CDKAL1: variants seen among roughly 807,000 people sequenced by gnomAD.
CDKAL1 encodes the protein CDKAL1 threonylcarbamoyladenosine tRNA methylthiotransferase.
A neutral mutation model predicts 68.2 loss-of-function variants in CDKAL1; 32 were observed. That is an observed-to-expected ratio of 0.47 (90% CI 0.35 to 0.63). The LOEUF (loss-of-function observed/expected upper bound fraction) is 0.63. Among genes scored for constraint, CDKAL1 ranks in the 30% least tolerant of loss-of-function variants. The pLI, the probability that CDKAL1 is intolerant of heterozygous loss-of-function variation, is 0.00. For missense variants in CDKAL1, 606 were observed against 696.7 expected, an observed-to-expected ratio of 0.87 and a Z score of 1.47; for synonymous variants, 234 against 244.3, an observed-to-expected ratio of 0.96 and a Z score of 0.39.
At chr6:21,051,405 G>T (rs1002799599) in intron 11 of CDKAL1, among the ~76,000 whole-genome samples, 3 of 152,076 alleles carry the variant, frequency 2.0e-5, no homozygotes, top group Admixed American at 6.5e-5. Flanking sequence ...TGTGTTTTCC[G>T]TGAACTTATG....
chr6:20,753,704 C>T (rs1774034140), intron 6 of CDKAL1, among the ~76,000 whole-genome samples: 1 of 152,110 alleles, frequency 6.6e-6, no homozygotes, highest in African/African-American at 2.4e-5. Context: ...TACTTCCGTT[C>T]CCAGTTTTTG....
At chr6:21,072,585 G>GT (rs1263968296) in intron 12 of CDKAL1, among the ~76,000 whole-genome samples, 4 of 109,374 alleles carry the variant, frequency 3.7e-5, no homozygotes, top group Non-Finnish European at 7.3e-5. Flanking sequence ...AAAAAAGCCT[G>GT]TTTTTGTCTT....
intron 8 of CDKAL1, among the ~76,000 whole-genome samples, chr6:20,802,186 T>C (rs1477281264): frequency 4.0e-5 from 6 of 151,798 alleles, no homozygotes; most frequent in Non-Finnish European, 8.8e-5. Flanking sequence ...TAGTCCCAGC[T>C]ACTCGGGAGG....
chr6:20,973,582 A>C (rs181650881), intron 10 of CDKAL1, among the ~76,000 whole-genome samples: 1 of 152,142 alleles, frequency 6.6e-6, no homozygotes, highest in African/African-American at 2.4e-5. Context: ...GATCCAACAT[A>C]GGATCATAAG....
chr6:20,696,954 A>T (rs1562033515), intron 5 of CDKAL1, among the ~76,000 whole-genome samples: 1 of 152,232 alleles, frequency 6.6e-6, no homozygotes. Flanking sequence ...GATTAAAAAA[A>T]ATCCTATGTG....
intron 12 of CDKAL1, among the ~76,000 whole-genome samples, chr6:21,087,580 G>A (rs1437672582): frequency 2.0e-5 from 3 of 152,066 alleles, no homozygotes; most frequent in African/African-American, 7.2e-5. Flanking sequence ...CGTTCCTATA[G>A]TCCTCAGCTG....
At chr6:20,904,740 G>A (rs1332380968) in intron 9 of CDKAL1, among the ~76,000 whole-genome samples, 1 of 151,750 alleles carries the variant, frequency 6.6e-6, no homozygotes, top group Non-Finnish European at 1.5e-5. Flanking sequence ...GGCGAGCCGA[G>A]ATTGCGGCAT....
Position 20,690,446 on chromosome 6 carries a change from A to C in CDKAL1, c.371+41069A>C, listed in dbSNP as rs547493263. 1.5e-3 allele frequency among the ~76,000 whole-genome samples: 228 copies of C among 152,300 alleles called. 2 individuals carry two copies. Among genetic ancestry groups the C allele is most frequent in the Non-Finnish European group, 2.4e-3 (165 of 68,026 alleles). ...AATGAGCATTTTACGAACTCCAGAC[A>C]TATTTTTCAACACTGTTCTCTAGAG... On this transcript the variant is annotated intron_variant, in intron 5 of 15. Transcript: ENST00000274695.
At chr6:21,002,599 A>G (rs1257809652) in intron 11 of CDKAL1, among the ~76,000 whole-genome samples, 2 of 152,034 alleles carry the variant, frequency 1.3e-5, no homozygotes, top group Admixed American at 6.6e-5. Context: ...TAGGCAGCCA[A>G]TATGATATAC....
At chr6:20,706,685 G>C (rs1163463249) in intron 5 of CDKAL1, among the ~76,000 whole-genome samples, 1 of 152,154 alleles carries the variant, frequency 6.6e-6, no homozygotes, top group Non-Finnish European at 1.5e-5. Flanking sequence ...GTTATACAAG[G>C]TCATAAATAA....
intron 8 of CDKAL1, among the ~76,000 whole-genome samples, chr6:20,820,608 G>C (rs2150440740): frequency 6.6e-6 from 1 of 152,296 alleles, no homozygotes; most frequent in South Asian, 2.1e-4. Context: ...TGCCCTAAGA[G>C]ATTGTTGATG....
intron 6 of CDKAL1, among the ~76,000 whole-genome samples, chr6:20,755,804 C>G (rs1774143821): frequency 1.3e-5 from 2 of 152,246 alleles, no homozygotes; most frequent in South Asian, 4.1e-4. Flanking sequence ...CATATTTCAA[C>G]TGGTGTCCCA....
intron 9 of CDKAL1, among the ~76,000 whole-genome samples, chr6:20,849,514 C>T (rs1402793623): frequency 1.4e-5 from 2 of 142,922 alleles, no homozygotes; most frequent in East Asian, 4.3e-4. Context: ...ACCCGGGAGG[C>T]GGAGCTTGCA....
chr6:20,840,249 G>A (rs1368363093), intron 8 of CDKAL1, among the ~76,000 whole-genome samples: 1 of 152,154 alleles, frequency 6.6e-6, no homozygotes, highest in Non-Finnish European at 1.5e-5. Context: ...CAAGCATTTG[G>A]CAGCTGTCTT....
chr6:20,917,811 A>G (rs775758453), intron 9 of CDKAL1, among the ~76,000 whole-genome samples: 2 of 152,236 alleles, frequency 1.3e-5, no homozygotes, highest in African/African-American at 2.4e-5. Flanking sequence ...GTGTCCCTCC[A>G]AAATTCATAC....
chr6:20,573,072 CCTT>C (rs1764768483), intron 4 of CDKAL1, among the ~76,000 whole-genome samples: 1 of 152,120 alleles, frequency 6.6e-6, no homozygotes, highest in Non-Finnish European at 1.5e-5. Flanking sequence ...GCCAGAGTCT[CCTT>C]CTAATATGAT....
At chr6:21,059,478 A>C (rs1465596405) in intron 11 of CDKAL1, among the ~76,000 whole-genome samples, 1 of 152,218 alleles carries the variant, frequency 6.6e-6, no homozygotes, top group Non-Finnish European at 1.5e-5. Flanking sequence ...GCACAGATTC[A>C]TGGAAAAAGC....
chr6:21,105,848 T>C (rs138891292), intron 12 of CDKAL1, among the ~76,000 whole-genome samples: 66 of 152,342 alleles, frequency 4.3e-4, no homozygotes, highest in African/African-American at 1.5e-3. Flanking sequence ...TAACCTATGA[T>C]GGACAAGAAA....
intron 9 of CDKAL1, among the ~76,000 whole-genome samples, chr6:20,899,821 C>T (rs957308933): frequency 2.6e-5 from 4 of 152,084 alleles, no homozygotes; most frequent in African/African-American, 7.2e-5. Context: ...CCAACCTGGG[C>T]GACAGAGCGA....
Sources: gnomAD v4.1 joint callset for allele counts (sites outside exome capture counted in the v4.1 genomes callset) on GRCh38, gnomAD v4.1.1 for gene constraint, MANE v1.5 for transcripts, NCBI Gene and HGNC (gene_info 2026-07-23, HGNC 2026-07-21) for gene names.